CUX2: variants seen among roughly 807,000 people sequenced by gnomAD.
The protein encoded by CUX2 is homeobox protein cut-like 2.
A neutral mutation model predicts 144.8 loss-of-function variants in CUX2; 40 were observed. The observed-to-expected ratio is 0.28, with a 90% CI of 0.21 to 0.36. The LOEUF (loss-of-function observed/expected upper bound fraction) is 0.36. CUX2 is among the 10% of genes least tolerant of loss of function. The pLI, the probability that CUX2 is intolerant of heterozygous loss-of-function variation, is 1.00. For missense variants in CUX2, 1,615 were observed against 1,994.0 expected (o/e 0.81, Z 3.62); for synonymous variants, 827 against 875.6 (o/e 0.94, Z 0.98).
chr12:111,303,945 C>T lies in CUX2; in HGVS notation c.754-265C>T, dbSNP rs144993846. ...TCCTCTGGGGGTCCCAGGCACCCCA[C>T]GAGAACCCAGAACCTCCTCAGAGGG... On this transcript the variant is annotated intron_variant, in intron 9 of 21. Coordinates refer to ENST00000261726, the MANE Select transcript of CUX2 (RefSeq NM_015267.4). Among the ~76,000 whole-genome samples the T allele has an allele frequency of 7.2e-5, 11 of 152,296 alleles. No individual in the cohort carries two copies. The East Asian group carries it at 1.4e-3, about 19-fold the overall frequency.
chr12:111,123,040 C>G (rs896088381), intron 1 of CUX2, among the ~76,000 whole-genome samples: 2 of 152,224 alleles, frequency 1.3e-5, no homozygotes, highest in African/African-American at 2.4e-5. Flanking sequence ...GATGCAGCCA[C>G]AAGGTCTGGG....
intron 3 of CUX2, among the ~76,000 whole-genome samples, chr12:111,241,429 G>C (rs1331742839): frequency 6.6e-6 from 1 of 152,180 alleles, no homozygotes; most frequent in African/African-American, 2.4e-5. Flanking sequence ...CAGAAGTCAA[G>C]ATAAAGAAAT....
intron 1 of CUX2, among the ~76,000 whole-genome samples, chr12:111,185,198 C>G (rs1475519953): frequency 6.6e-6 from 1 of 152,212 alleles, no homozygotes; most frequent in African/African-American, 2.4e-5. Context: ...AGGTGGGCAC[C>G]TCTGGAGGAA....
At chr12:111,163,020 T>G (rs1877881643) in intron 1 of CUX2, among the ~76,000 whole-genome samples, 1 of 143,806 alleles carries the variant, frequency 7.0e-6, no homozygotes, top group Admixed American at 7.1e-5. Flanking sequence ...CACTCCAGCC[T>G]GGGTAACAGA....
At position 111,077,119 on chromosome 12, in the gene CUX2, C is replaced by A. The variant is rs1295477417; in HGVS notation, c.63+42879C>A. Among the ~76,000 whole-genome samples, 1 of 152,238 alleles carries A rather than the reference C, an allele frequency of 6.6e-6. No individual in the cohort carries two copies. Among genetic ancestry groups the A allele is most frequent in the Non-Finnish European group, 1.5e-5 (1 of 68,044 alleles). ...TCCTAACTGTTTGCAGAATACATCT[C>A]TGCCCCCCTTGACTATTTATTTTTT... On this transcript the variant is annotated intron_variant, in intron 1 of 21. Transcript: ENST00000261726. The surrounding 1 kb of genome is among the most constrained non-coding windows in gnomAD (Gnocchi z 4.1).
chr12:111,322,321 CAAAAAA>C lies in CUX2; in HGVS notation c.2767-82_2767-77del, dbSNP rs147389725. On this transcript the variant is annotated intron_variant, in intron 17 of 21. Coordinates refer to ENST00000261726, the MANE Select transcript of CUX2 (RefSeq NM_015267.4). This position sits in a 1 kb window ranked among gnomAD's most constrained non-coding sequence, Gnocchi z 4.2. ...CGACAGACAAAGCGAGACTCTGCCT[CAAAAAA>C]AAAAAAAAAAAAAAAAAGGTTGGGG... The C allele has an allele frequency of 8.3e-3, 6,266 of 757,246 alleles. No individual in the cohort carries two copies. Among genetic ancestry groups the C allele is most frequent in the East Asian group, 0.041 (1,217 of 29,720 alleles). The allele number at this position is 757,246 out of a possible 1,614,324, so 46.9% of individuals were successfully genotyped here. A position where few individuals can be genotyped will look rare whatever the true frequency, so the allele number is the denominator to read the frequency against.
At chr12:111,299,973 G>A (rs1195570599) in intron 9 of CUX2, among the ~76,000 whole-genome samples, 3 of 152,136 alleles carry the variant, frequency 2.0e-5, no homozygotes, top group Admixed American at 6.6e-5. Flanking sequence ...TGACTTCCCC[G>A]GCTCAGGTGA....
rs1886482712 is a variant in CUX2 at position 111,304,599 on chromosome 12, C to G, written c.858+285C>G. Among the ~76,000 whole-genome samples, 1 of 152,142 alleles carries G rather than the reference C, an allele frequency of 6.6e-6. No individual in the cohort carries two copies. Among genetic ancestry groups the G allele is most frequent in the Admixed American group, 6.5e-5 (1 of 15,274 alleles). On this transcript the variant is annotated intron_variant, in intron 10 of 21. Coordinates refer to ENST00000261726, the MANE Select transcript of CUX2 (RefSeq NM_015267.4). This position sits in a 1 kb window ranked among gnomAD's most constrained non-coding sequence, Gnocchi z 4.7. ...GAGTTCCAGTATCTTCCTTTGGAGGCCTCCCTTATCCCCAATTATCCAAGA... is the reference window on the plus strand; with the variant it reads ...GAGTTCCAGTATCTTCCTTTGGAGGGCTCCCTTATCCCCAATTATCCAAGA...
chr12:111,232,014 G>A (rs1882487934), intron 3 of CUX2, among the ~76,000 whole-genome samples: 2 of 152,116 alleles, frequency 1.3e-5, no homozygotes, highest in African/African-American at 4.8e-5. Context: ...GCTGAGGCAG[G>A]AGAATTGCTT....
chr12:111,146,134 C>T (rs1876653706), intron 1 of CUX2, among the ~76,000 whole-genome samples: 1 of 152,220 alleles, frequency 6.6e-6, no homozygotes, highest in Non-Finnish European at 1.5e-5. Context: ...CCACCAGCAA[C>T]ACGCCCACCC....
intron 4 of CUX2, among the ~76,000 whole-genome samples, chr12:111,284,214 T>A (rs1418458110): frequency 1.3e-5 from 2 of 152,206 alleles, no homozygotes; most frequent in Non-Finnish European, 2.9e-5. Context: ...TGCCTCTATC[T>A]GATGACACCT....
intron 3 of CUX2, among the ~76,000 whole-genome samples, chr12:111,258,872 CTTT>C (rs1223293241): frequency 6.6e-6 from 1 of 151,996 alleles, no homozygotes; most frequent in African/African-American, 2.4e-5. Flanking sequence ...GATTATTTTT[CTTT>C]TTTTGAAACA....
chr12:111,314,656 A>AAAAAAAC (rs1412301209), intron 16 of CUX2, among the ~76,000 whole-genome samples: 18 of 137,912 alleles, frequency 1.3e-4, no homozygotes, highest in Admixed American at 6.4e-4. Flanking sequence ...AAAAAAAAAA[A>AAAAAAAC]AAAAAAAAAA....
intron 1 of CUX2, among the ~76,000 whole-genome samples, chr12:111,108,061 C>T (rs1463635265): frequency 3.3e-5 from 5 of 152,198 alleles, no homozygotes; most frequent in African/African-American, 1.2e-4. Context: ...CTCCCTTAAT[C>T]TCCAACAGTT....
In CUX2 at chr12:111,320,654, C is replaced by T. The variant is rs1375476414; in HGVS notation, c.2645C>T (p.Pro882Leu). 5 of 1,596,812 alleles carry T rather than the reference C, an allele frequency of 3.1e-6. No homozygotes were observed. Among genetic ancestry groups the T allele is most frequent in the African/African-American group, 2.7e-5 (2 of 74,818 alleles). Residue 882 changes from proline (P) to leucine (L), a missense_variant, in exon 17 of 22, where the codon CCG (proline) becomes CTG (leucine). Transcript: ENST00000261726. This position sits in a 1 kb window ranked among gnomAD's most constrained non-coding sequence, Gnocchi z 8.1. ...VPRTLKPTVPPLTPEQYELYM... is the reference protein window; with the variant it reads ...VPRTLKPTVPLLTPEQYELYM... ...CGCACCCTGAAGCCCACCGTGCCGC[C>T]GCTGACCCCCGAGCAGTACGAGCTG...
At chr12:111,101,338 G>A (rs1404664338) in intron 1 of CUX2, among the ~76,000 whole-genome samples, 1 of 152,126 alleles carries the variant, frequency 6.6e-6, no homozygotes, top group Admixed American at 6.5e-5. Flanking sequence ...CACCACAGCA[G>A]CCCTGCATCC....
intron 18 of CUX2, among the ~76,000 whole-genome samples, chr12:111,329,546 C>T (rs1468790724): frequency 2.6e-5 from 4 of 152,152 alleles, no homozygotes; most frequent in South Asian, 2.1e-4. Context: ...CTGTTCGCTT[C>T]GCTTCTTGGC....
chr12:111,302,275 G>A (rs1233839234), intron 9 of CUX2, among the ~76,000 whole-genome samples: 1 of 152,116 alleles, frequency 6.6e-6, no homozygotes, highest in Admixed American at 6.6e-5. Context: ...AATTCTCTAA[G>A]TAATGGCTCA....
chr12:111,244,228 C>T (rs1045097397), intron 3 of CUX2, among the ~76,000 whole-genome samples: 1 of 152,162 alleles, frequency 6.6e-6, no homozygotes, highest in Non-Finnish European at 1.5e-5. Flanking sequence ...AACCCAGAAG[C>T]TGAGGCAGCC....
Sources: allele counts gnomAD v4.1 joint callset (sites outside exome capture counted in the v4.1 genomes callset), GRCh38; gene constraint gnomAD v4.1.1; non-coding constraint Gnocchi (gnomAD v3.1); transcripts MANE v1.5; gene names NCBI Gene and HGNC (gene_info 2026-07-23, HGNC 2026-07-21).